Variants in NETO1 observed in about 807,000 individuals in gnomAD.
NETO1 encodes neuropilin and tolloid-like protein 1.
In NETO1, 26 loss-of-function variants were observed where a neutral mutation model predicts 61.3. The ratio of observed to expected loss-of-function variants is 0.42; its 90% CI spans 0.31 to 0.59. The LOEUF is 0.59. Ranked by LOEUF, NETO1 falls within the 20% of genes least tolerant of loss-of-function variation. The probability of loss-of-function intolerance (pLI) is 0.12; values close to 1 mark genes in which losing one functional copy is unlikely to be tolerated. For missense variants in NETO1, 531 were observed against 662.8 expected, an observed-to-expected ratio of 0.80 and a Z score of 2.18; for synonymous variants, 225 against 225.8, an observed-to-expected ratio of 1.00 and a Z score of 0.03.
At position 72,750,342 on chromosome 18, in the gene NETO1, G is replaced by C. The variant is rs574511728; in HGVS notation, c.1261C>G (p.Arg421Gly). 1 of 1,613,926 alleles carries C rather than the reference G, an allele frequency of 6.2e-7. No homozygotes were observed. Among genetic ancestry groups the C allele is most frequent in the Non-Finnish European group, 8.5e-7 (1 of 1,180,002 alleles). ...TGAATGCATTTGGAAGATGACCTCCGCAGTTTATGGTAATTTTCAAAGTCA... is the reference window on the plus strand; with the variant it reads ...TGAATGCATTTGGAAGATGACCTCCCCAGTTTATGGTAATTTTCAAAGTCA... ...ADDFENYHKL[R>G]RSSSKCIHDH... The change falls in exon 9 of 11, where the codon CGG becomes GGG. Residue 421 changes from arginine (R) to glycine (G), a missense_variant. Transcript: ENST00000327305.
chr18:72,828,585 C>T (rs1368849625), intron 4 of NETO1, among the ~76,000 whole-genome samples: 1 of 152,136 alleles, frequency 6.6e-6, no homozygotes, highest in Non-Finnish European at 1.5e-5. Context: ...ATAGTAGCTA[C>T]ATTTTTTGAC....
intron 3 of NETO1, among the ~76,000 whole-genome samples, chr18:72,863,781 ATC>A (rs2074651498): frequency 6.6e-6 from 1 of 152,200 alleles, no homozygotes; most frequent in South Asian, 2.1e-4. Flanking sequence ...ATCTATCTTT[ATC>A]ATTAAGACAG....
intron 4 of NETO1, among the ~76,000 whole-genome samples, chr18:72,824,569 T>A (rs2073313313): frequency 6.6e-6 from 1 of 152,116 alleles, no homozygotes; most frequent in Non-Finnish European, 1.5e-5. Context: ...TGAATTGCCA[T>A]AAAAGAGATT....
At chr18:72,765,066 G>T (rs1187223319) in intron 7 of NETO1, among the ~76,000 whole-genome samples, 1 of 152,138 alleles carries the variant, frequency 6.6e-6, no homozygotes, top group Non-Finnish European at 1.5e-5. Flanking sequence ...CTTTGTTGAA[G>T]ACACCCCAAA....
chr18:72,802,068 G>A (rs1330595553), intron 4 of NETO1, among the ~76,000 whole-genome samples: 4 of 151,462 alleles, frequency 2.6e-5, no homozygotes, highest in African/African-American at 7.3e-5. Flanking sequence ...CTTTATAGAT[G>A]TTAATAATTT....
intron 7 of NETO1, among the ~76,000 whole-genome samples, chr18:72,769,271 G>A (rs1322046044): frequency 1.3e-5 from 2 of 152,170 alleles, no homozygotes; most frequent in Non-Finnish European, 2.9e-5. Context: ...TGGGCTTACC[G>A]TCAGGATCTG....
At chr18:72,819,908 C>T (rs886915032) in intron 4 of NETO1, among the ~76,000 whole-genome samples, 21 of 152,006 alleles carry the variant, frequency 1.4e-4, no homozygotes, top group African/African-American at 4.8e-4. Flanking sequence ...ATATTAAGAC[C>T]TGATTTCTGT....
rs565059669 is a variant in NETO1 at position 72,846,653 on chromosome 18, A to G, written c.469+12173T>C. Among the ~76,000 whole-genome samples, 230 of 151,372 alleles carry G rather than the reference A, an allele frequency of 1.5e-3. 1 individual carries two copies. The highest frequency in any genetic ancestry group is 5.2e-3 in the African/African-American group (214 of 41,458). Reference sequence around the variant, plus strand: ...ATAAGCATATTTGTATTTTTTTATAATCTTTTTTTATTTAAAATTGAGACG... The same window carrying G: ...ATAAGCATATTTGTATTTTTTTATAGTCTTTTTTTATTTAAAATTGAGACG... On this transcript the variant is annotated intron_variant, in intron 4 of 10. Coordinates refer to ENST00000327305, the MANE Select transcript of NETO1 (RefSeq NM_138966.5).
Position 72,743,776 on chromosome 18 carries a change from GTTTTA to G in NETO1, c.*4398_*4402del, listed in dbSNP as rs1236400823. 1 of 152,042 alleles carries G rather than the reference GTTTTA, an allele frequency of 6.6e-6. No homozygotes were observed. The allele number at this position is 152,042 out of a possible 1,614,324, so 9.4% of individuals were successfully genotyped here. Reference sequence around the variant, plus strand: ...TTTGATAATGTGATATAAAAAGAATGTTTTATTTTAAATAATTTATACATTGTTTT... The same window carrying G: ...TTTGATAATGTGATATAAAAAGAATGTTTTAAATAATTTATACATTGTTTT... On this transcript the variant is annotated 3_prime_UTR_variant, in exon 11 of 11. Coordinates refer to ENST00000327305, the MANE Select transcript of NETO1 (RefSeq NM_138966.5).
At chr18:72,814,541 G>A (rs2072969383) in intron 4 of NETO1, among the ~76,000 whole-genome samples, 2 of 152,050 alleles carry the variant, frequency 1.3e-5, no homozygotes, top group Admixed American at 6.5e-5. Context: ...TCTAAACCCA[G>A]ATATATGAAC....
At chr18:72,760,680 A>C (rs1434744551) in intron 7 of NETO1, among the ~76,000 whole-genome samples, 1 of 152,180 alleles carries the variant, frequency 6.6e-6, no homozygotes, top group Non-Finnish European at 1.5e-5. Flanking sequence ...GGGGATAAAG[A>C]TAATACTTAC....
chr18:72,842,546 A>G (rs2073967381), intron 4 of NETO1, among the ~76,000 whole-genome samples: 3 of 152,204 alleles, frequency 2.0e-5, no homozygotes, highest in Admixed American at 6.5e-5. Flanking sequence ...ATGTTGTATC[A>G]AAGATGTTAA....
chr18:72,799,710 AG>A (rs1292715110), intron 4 of NETO1, among the ~76,000 whole-genome samples: 2 of 152,232 alleles, frequency 1.3e-5, no homozygotes, highest in African/African-American at 4.8e-5. Flanking sequence ...AGCTCTGAGG[AG>A]TTGGATGCTG....
intron 4 of NETO1, among the ~76,000 whole-genome samples, chr18:72,810,734 T>C (rs2072838833): frequency 6.6e-6 from 1 of 152,214 alleles, no homozygotes; most frequent in Non-Finnish European, 1.5e-5. Flanking sequence ...TTTTCTGTCA[T>C]TCAAGAACAA....
chr18:72,803,880 G>C (rs1289148388), intron 4 of NETO1, among the ~76,000 whole-genome samples: 2 of 151,262 alleles, frequency 1.3e-5, no homozygotes, highest in Non-Finnish European at 2.9e-5. Context: ...ATCTCTGTTA[G>C]ACTGGGTTCT....
chr18:72,827,354 T>C (rs1344477202), intron 4 of NETO1, among the ~76,000 whole-genome samples: 3 of 152,240 alleles, frequency 2.0e-5, no homozygotes, highest in East Asian at 3.9e-4. Flanking sequence ...ACTCAGCAAC[T>C]GCAGAATGAC....
At chr18:72,785,900 G>A (rs762633085) in intron 6 of NETO1, among the ~76,000 whole-genome samples, 6 of 152,156 alleles carry the variant, frequency 3.9e-5, no homozygotes, top group South Asian at 2.1e-4. Context: ...CTCCCCAATC[G>A]CAGCAGACTT....
intron 4 of NETO1, among the ~76,000 whole-genome samples, chr18:72,836,330 T>G (rs2073748551): frequency 6.6e-6 from 1 of 152,156 alleles, no homozygotes. Flanking sequence ...AGTCTTATAC[T>G]TATCTCATAA....
intron 4 of NETO1, among the ~76,000 whole-genome samples, chr18:72,843,078 T>C (rs1455925772): frequency 6.6e-6 from 1 of 152,172 alleles, no homozygotes; most frequent in East Asian, 1.9e-4. Flanking sequence ...GGAGGGGATG[T>C]TTTAATCTAA....
Sources: gnomAD v4.1 joint callset for allele counts (sites outside exome capture counted in the v4.1 genomes callset) on GRCh38, gnomAD v4.1.1 for gene constraint, MANE v1.5 for transcripts, NCBI Gene and HGNC (gene_info 2026-07-23, HGNC 2026-07-21) for gene names.